MRPL48: variants seen among roughly 807,000 people sequenced by gnomAD.
The protein encoded by MRPL48 is mitochondrial ribosomal protein L48, also known as large ribosomal subunit protein mL48.
Under a neutral mutation model 32.9 loss-of-function variants are expected in MRPL48, and 16 were observed. That is an observed-to-expected ratio of 0.49 (90% CI 0.33 to 0.74). MRPL48 has a LOEUF of 0.74. Among genes scored for constraint, MRPL48 ranks in the 30% least tolerant of loss-of-function variants. The pLI is 0.02. For synonymous variants in MRPL48, 94 were observed against 89.2 expected (o/e 1.05, Z -0.31); for missense variants, 206 against 245.3 (o/e 0.84, Z 1.07).
chr11:73,829,964 G>A (rs554541301), intron 4 of MRPL48, among the ~76,000 whole-genome samples: 14 of 152,076 alleles, frequency 9.2e-5, no homozygotes, highest in Non-Finnish European at 1.8e-4. Flanking sequence ...GTCTCGCCAT[G>A]TTACCCAGGC....
chr11:73,853,282 A>T (rs775834207), intron 5 of MRPL48, among the ~76,000 whole-genome samples: 9 of 152,204 alleles, frequency 5.9e-5, no homozygotes, highest in Non-Finnish European at 8.8e-5. Flanking sequence ...AATGCTTGAG[A>T]TGATGGATAT....
In MRPL48 at chr11:73,863,281, G is replaced by A; in HGVS notation, c.564+20G>A. Reference sequence around the variant, plus strand: ...AAGGAGGTAGGTGCTGGTTTGAGAAGAGGCCCCTGCTGGCCTGCATATGCT... The same window carrying A: ...AAGGAGGTAGGTGCTGGTTTGAGAAAAGGCCCCTGCTGGCCTGCATATGCT... On this transcript the variant is annotated intron_variant, in intron 7 of 7. Transcript: ENST00000310614. 6.5e-7 allele frequency: 1 copy of A among 1,546,112 alleles called. No individual in the cohort carries two copies. Among genetic ancestry groups the A allele is most frequent in the Non-Finnish European group, 8.8e-7 (1 of 1,140,862 alleles).
chr11:73,790,813 C>T (rs35235512), intron 1 of MRPL48, among the ~76,000 whole-genome samples: 5,749 of 151,842 alleles, frequency 0.038, 151 homozygotes, highest in Middle Eastern at 0.072. Flanking sequence ...AGATATGAGC[C>T]ACCACTCCTG....
intron 3 of MRPL48, among the ~76,000 whole-genome samples, chr11:73,809,884 A>G (rs1364945930): frequency 6.6e-6 from 1 of 152,212 alleles, no homozygotes; most frequent in Admixed American, 6.5e-5. Flanking sequence ...ACATATGTTA[A>G]TTATTTTAGA....
chr11:73,837,561 G>A (rs1387145293), intron 4 of MRPL48, among the ~76,000 whole-genome samples: 2 of 152,178 alleles, frequency 1.3e-5, no homozygotes, highest in East Asian at 3.9e-4. Context: ...GTGAAATAGG[G>A]GTAATAATGT....
intron 5 of MRPL48, among the ~76,000 whole-genome samples, chr11:73,851,601 C>T (rs774704555): frequency 2.0e-5 from 3 of 152,248 alleles, no homozygotes; most frequent in Non-Finnish European, 1.5e-5. Context: ...GCTCTGGGCT[C>T]GAATGATCTA....
chr11:73,841,938 T>G (rs1948192525), intron 4 of MRPL48, among the ~76,000 whole-genome samples: 2 of 150,628 alleles, frequency 1.3e-5, no homozygotes, highest in South Asian at 4.2e-4. Flanking sequence ...TACTAGTTTT[T>G]GGGGGGGGGT....
At chr11:73,821,202 C>T (rs66465726) in intron 3 of MRPL48, among the ~76,000 whole-genome samples, 23,058 of 151,828 alleles carry the variant, frequency 0.15, 1,855 homozygotes, top group African/African-American at 0.2. Flanking sequence ...TTCTATGTTG[C>T]CCAGCTGGTC....
At chr11:73,788,052 G>GATGGCGGACGGTGCAGAGAGGGGAC in intron 1 of MRPL48, 60 bp downstream of exon 1, 1 of 1,602,304 alleles carries the variant, frequency 6.2e-7, no homozygotes, top group Non-Finnish European at 8.5e-7. Flanking sequence ...AGAGAGGGGA[G>GATGGCGGACGGTGCAGAGAGGGGAC]ATGGCGGAGG....
chr11:73,806,914 G>A (rs1445857998), intron 2 of MRPL48, among the ~76,000 whole-genome samples: 2 of 151,766 alleles, frequency 1.3e-5, no homozygotes, highest in Non-Finnish European at 2.9e-5. Flanking sequence ...CTTTCACCCA[G>A]GCTGGAGTGC....
chr11:73,805,088 A>G lies in MRPL48; in HGVS notation c.74+9A>G, dbSNP rs1329783555. 6.4e-7 allele frequency: 1 copy of G among 1,553,778 alleles called. No individual in the cohort carries two copies. The highest frequency in any genetic ancestry group is 1.2e-5 in the South Asian group (1 of 84,118). ...GCCTTTTCTCTCTTAAGGTAAGAATATTAAAAACAATAATTAAATATAGGT... is the reference window on the plus strand; with the variant it reads ...GCCTTTTCTCTCTTAAGGTAAGAATGTTAAAAACAATAATTAAATATAGGT... On this transcript the variant is annotated intron_variant, in intron 2 of 7. Transcript: ENST00000310614.
rs370540423 is a variant in MRPL48 at position 73,796,794 on chromosome 11, G to A, written c.22-8233G>A. Among the ~76,000 whole-genome samples the A allele has an allele frequency of 1.6e-4, 24 of 152,336 alleles. 1 individual carries two copies. In the East Asian group the frequency reaches 1.9e-3, roughly 12 times the overall value. On this transcript the variant is annotated intron_variant, in intron 1 of 7. Transcript: ENST00000310614. ...CATAAAAACTTTGGGTCTGGGTGTA[G>A]TGGCTCATGCCTGTAATCCCAGCAC... is the stretch of plus-strand genomic sequence containing the variant.
At chr11:73,850,249 T>G (rs1050859415) in intron 5 of MRPL48, among the ~76,000 whole-genome samples, 4 of 152,138 alleles carry the variant, frequency 2.6e-5, no homozygotes, top group African/African-American at 9.7e-5. Context: ...AAAAATTTTT[T>G]TTTTACAGAA....
chr11:73,808,088 C>T (rs1023044974), intron 2 of MRPL48, among the ~76,000 whole-genome samples: 2 of 152,112 alleles, frequency 1.3e-5, no homozygotes, highest in African/African-American at 4.8e-5. Context: ...AGCACCTTTC[C>T]CAACTAGACC....
At chr11:73,814,321 G>A (rs1477971302) in intron 3 of MRPL48, among the ~76,000 whole-genome samples, 7 of 151,794 alleles carry the variant, frequency 4.6e-5, no homozygotes, top group Admixed American at 3.3e-4. Context: ...GCATGAGTCA[G>A]ACTGAAGTTG....
chr11:73,851,916 C>T (rs1364181259), intron 5 of MRPL48, among the ~76,000 whole-genome samples: 1 of 109,324 alleles, frequency 9.1e-6, no homozygotes, highest in East Asian at 2.3e-4. Flanking sequence ...TTTCAGGGAA[C>T]GTACACACAC....
At chr11:73,806,128 C>T (rs558502935) in intron 2 of MRPL48, among the ~76,000 whole-genome samples, 6 of 151,876 alleles carry the variant, frequency 4.0e-5, no homozygotes, top group Non-Finnish European at 8.8e-5. Flanking sequence ...TTTAAAGAGA[C>T]CTAACATTAT....
chr11:73,818,932 G>A (rs1947724045), intron 3 of MRPL48, among the ~76,000 whole-genome samples: 1 of 152,120 alleles, frequency 6.6e-6, no homozygotes, highest in Non-Finnish European at 1.5e-5. Context: ...GATTTTTAAA[G>A]CCTCCATTTG....
chr11:73,793,167 G>A (rs1258355325), intron 1 of MRPL48, among the ~76,000 whole-genome samples: 1 of 152,172 alleles, frequency 6.6e-6, no homozygotes, highest in Non-Finnish European at 1.5e-5. Flanking sequence ...CTGGGTTCAA[G>A]TGATTCTCCT....
Sources: gnomAD v4.1 joint callset for allele counts (sites outside exome capture counted in the v4.1 genomes callset) on GRCh38, gnomAD v4.1.1 for gene constraint, MANE v1.5 for transcripts, NCBI Gene and HGNC (gene_info 2026-07-23, HGNC 2026-07-21) for gene names.